Variants in NECAB1 observed in about 807,000 individuals in gnomAD.
NECAB1 encodes N-terminal EF-hand calcium-binding protein 1.
A neutral mutation model predicts 57.5 loss-of-function variants in NECAB1; 29 were observed. That is an observed-to-expected ratio of 0.50 (90% CI 0.38 to 0.69). The LOEUF (loss-of-function observed/expected upper bound fraction) is 0.69, where lower values mean the gene tolerates loss of function less well. NECAB1 is among the 30% of genes least tolerant of loss of function. NECAB1 has a pLI of 0.00. For synonymous variants in NECAB1, 142 were observed against 147.7 expected, an observed-to-expected ratio of 0.96 and a Z score of 0.28; for missense variants, 372 against 413.8, an observed-to-expected ratio of 0.90 and a Z score of 0.88.
chr8:90,875,844 C>CAAAAAAAAAAAAAAA lies in NECAB1; in HGVS notation c.259+3694_259+3708dup, dbSNP rs5893141. On this transcript the variant is annotated intron_variant, in intron 4 of 12. Coordinates refer to ENST00000417640, the MANE Select transcript of NECAB1 (RefSeq NM_022351.5). ...TGAAACCCCATCTCTACTAAAAATA[C>CAAAAAAAAAAAAAAA]AAAAAAAAAAAAAAAAATTACCGGG... is the stretch of plus-strand genomic sequence containing the variant. Among the ~76,000 whole-genome samples, 131 of 88,366 alleles carry CAAAAAAAAAAAAAAA rather than the reference C, an allele frequency of 1.5e-3. 2 individuals are homozygous for CAAAAAAAAAAAAAAA. The highest frequency in any genetic ancestry group is 4.7e-3 in the African/African-American group (103 of 21,786). 58.0% of individuals were successfully genotyped at this position (88,366 alleles called of 152,430 possible).
intron 5 of NECAB1, among the ~76,000 whole-genome samples, chr8:90,893,850 A>ATTT (rs5893143): frequency 4.0e-5 from 6 of 150,440 alleles, no homozygotes; most frequent in African/African-American, 7.3e-5. Flanking sequence ...AAAGAATGCT[A>ATTT]TTTTTTTTTT....
intron 2 of NECAB1, chr8:90,813,251 A>C (rs1452375314): frequency 3.2e-5 from 2 of 62,544 alleles, no homozygotes; most frequent in Non-Finnish European, 6.1e-5. Flanking sequence ...ACACACACAC[A>C]CACACACACA....
intron 3 of NECAB1, among the ~76,000 whole-genome samples, chr8:90,848,970 T>A (rs1455011074): frequency 6.6e-6 from 1 of 152,048 alleles, no homozygotes; most frequent in East Asian, 1.9e-4. Flanking sequence ...AATAAGATCA[T>A]CAGATCTCAT....
At chr8:90,909,207 C>G (rs1212173482) in intron 5 of NECAB1, among the ~76,000 whole-genome samples, 1 of 152,108 alleles carries the variant, frequency 6.6e-6, no homozygotes, top group Non-Finnish European at 1.5e-5. Flanking sequence ...CTTTGATACT[C>G]AGTGACTGAA....
intron 3 of NECAB1, among the ~76,000 whole-genome samples, chr8:90,869,848 GAGA>G (rs1377400063): frequency 6.6e-6 from 1 of 152,232 alleles, no homozygotes; most frequent in East Asian, 1.9e-4. Context: ...TTTGCAATGT[GAGA>G]AGGACATGAG....
At chr8:90,932,692 C>G (rs1563540188) in intron 8 of NECAB1, among the ~76,000 whole-genome samples, 1 of 152,140 alleles carries the variant, frequency 6.6e-6, no homozygotes, top group Non-Finnish European at 1.5e-5. Context: ...AACAGCACAG[C>G]TAGAGCAACA....
chr8:90,947,306 ACACACAC>A lies in NECAB1; in HGVS notation c.861-2500_861-2494del, dbSNP rs1810830042. 9.0e-4 allele frequency among the ~76,000 whole-genome samples: 86 copies of A among 95,612 alleles called. 3 individuals are homozygous for A. In the East Asian group the frequency reaches 0.014, roughly 15 times the overall value. The allele number at this position is 95,612 out of a possible 152,430, so 62.7% of individuals were successfully genotyped here. On this transcript the variant is annotated intron_variant, in intron 10 of 12. Transcript: ENST00000417640. ...TAGCTATTGGGCTAACAACACATACACACACACACACACACACACACACACACACACA... is the reference window on the plus strand; with the variant it reads ...TAGCTATTGGGCTAACAACACATACAACACACACACACACACACACACACA...
chr8:90,827,190 C>G (rs998774712), intron 3 of NECAB1, among the ~76,000 whole-genome samples: 10 of 151,954 alleles, frequency 6.6e-5, no homozygotes, highest in African/African-American at 2.2e-4. Flanking sequence ...TTATTTTCTC[C>G]TTCCACTCAC....
At chr8:90,830,084 C>G (rs894428789) in intron 3 of NECAB1, among the ~76,000 whole-genome samples, 1 of 151,976 alleles carries the variant, frequency 6.6e-6, no homozygotes, top group African/African-American at 2.4e-5. Flanking sequence ...CTTGAGTTAT[C>G]TTTTACACTG....
At chr8:90,911,773 G>A (rs969176545) in intron 5 of NECAB1, among the ~76,000 whole-genome samples, 4 of 152,074 alleles carry the variant, frequency 2.6e-5, no homozygotes, top group African/African-American at 7.2e-5. Flanking sequence ...AACAAACCCA[G>A]GTCTTGTGAA....
At chr8:90,902,943 A>G (rs918246696) in intron 5 of NECAB1, among the ~76,000 whole-genome samples, 1 of 152,106 alleles carries the variant, frequency 6.6e-6, no homozygotes, top group African/African-American at 2.4e-5. Context: ...AAGAAAAATT[A>G]GACAACTATC....
chr8:90,940,059 A>T (rs1335333527), intron 9 of NECAB1: 1 of 152,266 alleles, frequency 6.6e-6, no homozygotes, highest in Non-Finnish European at 1.5e-5. Context: ...TTCCATGAGA[A>T]GCCCACAGGC....
At chr8:90,881,939 G>T (rs1264169132) in intron 5 of NECAB1, among the ~76,000 whole-genome samples, 4 of 152,138 alleles carry the variant, frequency 2.6e-5, no homozygotes, top group Non-Finnish European at 4.4e-5. Flanking sequence ...ACGTGCAGAG[G>T]CTCTGAGTCA....
intron 2 of NECAB1, among the ~76,000 whole-genome samples, chr8:90,824,277 T>C (rs1233318538): frequency 1.3e-5 from 2 of 151,852 alleles, no homozygotes; most frequent in Non-Finnish European, 2.9e-5. Context: ...TGTTAGACTA[T>C]AATAACAACT....
intron 5 of NECAB1, among the ~76,000 whole-genome samples, chr8:90,903,006 T>A (rs1238335210): frequency 6.6e-6 from 1 of 152,000 alleles, no homozygotes; most frequent in African/African-American, 2.4e-5. Context: ...AAATATAAAA[T>A]ATACTATTTG....
At chr8:90,922,490 T>TTTTTTTTTTTTTTTTTTTTTG (rs1810144061) in intron 6 of NECAB1, among the ~76,000 whole-genome samples, 1 of 124,782 alleles carries the variant, frequency 8.0e-6, no homozygotes, top group East Asian at 2.7e-4. Context: ...ACTTGGATTT[T>TTTTTTTTTTTTTTTTTTTTTG]TTTTTTTTTT....
rs185666882 is a variant in NECAB1, at chr8:90,836,248, G to C, written c.233+11423G>C. ...TTACTTAAAAAGACGCTCCAACATT[G>C]CTTAAAAAGAAGCTCCTGCTACACC... On this transcript the variant is annotated intron_variant, in intron 3 of 12. Coordinates refer to ENST00000417640, the MANE Select transcript of NECAB1 (RefSeq NM_022351.5). 6.2e-3 allele frequency among the ~76,000 whole-genome samples: 939 copies of C among 152,194 alleles called. 7 individuals are homozygous for C. Among genetic ancestry groups the C allele is most frequent in the Non-Finnish European group, 6.5e-3 (440 of 67,998 alleles).
At chr8:90,864,288 C>T (rs1320507876) in intron 3 of NECAB1, among the ~76,000 whole-genome samples, 23 of 122,258 alleles carry the variant, frequency 1.9e-4, no homozygotes, top group Admixed American at 6.4e-4. Context: ...AAAAAAAAAA[C>T]GAGGAAGGAA....
chr8:90,930,368 C>T (rs1314557534), intron 8 of NECAB1, among the ~76,000 whole-genome samples: 1 of 152,122 alleles, frequency 6.6e-6, no homozygotes, highest in Non-Finnish European at 1.5e-5. Context: ...GTACCATTAA[C>T]AGAAAAGGAA....
Sources: allele counts gnomAD v4.1 joint callset (sites outside exome capture counted in the v4.1 genomes callset), GRCh38; gene constraint gnomAD v4.1.1; transcripts MANE v1.5; gene names NCBI Gene and HGNC (gene_info 2026-07-23, HGNC 2026-07-21).